GNB5: variants seen among roughly 807,000 people sequenced by gnomAD.
The protein encoded by GNB5 is G protein subunit beta 5.
Under a neutral mutation model 55.3 loss-of-function variants are expected in GNB5, and 37 were observed. That is an observed-to-expected ratio of 0.67 (90% CI 0.51 to 0.88). The LOEUF is 0.88. Ranked by LOEUF, GNB5 falls within the 40% of genes least tolerant of loss-of-function variation. The pLI, the probability that GNB5 is intolerant of heterozygous loss-of-function variation, is 0.00. For missense variants in GNB5, 476 were observed against 515.3 expected (o/e 0.92, Z 0.74); for synonymous variants, 219 against 198.5 (o/e 1.10, Z -0.87).
In GNB5 at chr15:52,126,109, G is replaced by A. The variant is rs917076326; in HGVS notation, c.913-65C>T. On this transcript the variant is annotated intron_variant, in intron 10 of 12. Transcript: ENST00000261837. Reference sequence around the variant, plus strand: ...TCAGTTTGGTGACGTGATGACCACAGAGCTACAGGTAGGTGCTAGTGACTT... The same window carrying A: ...TCAGTTTGGTGACGTGATGACCACAAAGCTACAGGTAGGTGCTAGTGACTT... The A allele has an allele frequency of 2.4e-5, 19 of 776,442 alleles. 1 individual carries two copies. Among genetic ancestry groups the A allele is most frequent in the Non-Finnish European group, 2.5e-5 (11 of 440,712 alleles). The allele number at this position is 776,442 out of a possible 1,614,324, so 48.1% of individuals were successfully genotyped here. A position where few individuals can be genotyped will look rare whatever the true frequency, so the allele number is the denominator to read the frequency against.
At chr15:52,178,409 CCCCTTCT>C (rs1160001675) in intron 3 of GNB5, among the ~76,000 whole-genome samples, 1 of 152,136 alleles carries the variant, frequency 6.6e-6, no homozygotes, top group Non-Finnish European at 1.5e-5. Flanking sequence ...GTCCATATTC[CCCCTTCT>C]TCCTGCCTTG....
chr15:52,161,091 A>G (rs1390625902), intron 3 of GNB5, among the ~76,000 whole-genome samples: 1 of 152,174 alleles, frequency 6.6e-6, no homozygotes, highest in Non-Finnish European at 1.5e-5. Context: ...CAAAGGCTTT[A>G]TCTCCATTTC....
chr15:52,169,644 C>T (rs998117067), intron 3 of GNB5, among the ~76,000 whole-genome samples: 10 of 150,450 alleles, frequency 6.6e-5, no homozygotes, highest in Middle Eastern at 3.5e-3. Flanking sequence ...CAATACCATT[C>T]AGGACATAGT....
At chr15:52,130,596 C>T (rs774540144) in intron 9 of GNB5, among the ~76,000 whole-genome samples, 1 of 152,206 alleles carries the variant, frequency 6.6e-6, no homozygotes. Context: ...TTGGTTACCA[C>T]CATAACATTT....
At position 52,172,609 on chromosome 15, in the gene GNB5, G is replaced by A. The variant is rs116088502; in HGVS notation, c.238+7159C>T. Among the ~76,000 whole-genome samples, 1,518 of 151,898 alleles carry A rather than the reference G, an allele frequency of 1.0e-2. 28 individuals are homozygous for A. Among genetic ancestry groups the A allele is most frequent in the African/African-American group, 0.035 (1,453 of 41,402 alleles). Reference sequence around the variant, plus strand: ...AGCCTGGGCGACATGGAGAAACCTCGTCTCTACAAAAAAATGCAAAAATTA... The same window carrying A: ...AGCCTGGGCGACATGGAGAAACCTCATCTCTACAAAAAAATGCAAAAATTA... On this transcript the variant is annotated intron_variant, in intron 3 of 12. Coordinates refer to ENST00000261837, the MANE Select transcript of GNB5 (RefSeq NM_016194.4).
rs149319825 is a variant in GNB5 at position 52,184,881 on chromosome 15, G to C, written c.-18-187C>G. Among the ~76,000 whole-genome samples the C allele has an allele frequency of 1.1e-4, 16 of 152,332 alleles. No individual in the cohort carries two copies. In the East Asian group the frequency reaches 1.9e-3, roughly 18 times the overall value. On this transcript the variant is annotated intron_variant, in intron 1 of 12. Coordinates refer to ENST00000261837, the MANE Select transcript of GNB5 (RefSeq NM_016194.4). Reference sequence around the variant, plus strand: ...GGTCAATACAACTCATTTAATCAGTGAGAAAGCATCAGACAATAGGTTTTC... The same window carrying C: ...GGTCAATACAACTCATTTAATCAGTCAGAAAGCATCAGACAATAGGTTTTC...
chr15:52,166,920 AATAG>A (rs1253272230), intron 3 of GNB5, among the ~76,000 whole-genome samples: 4 of 152,294 alleles, frequency 2.6e-5, no homozygotes, highest in South Asian at 2.1e-4. Flanking sequence ...AAATTAATAA[AATAG>A]ATAGACCACT....
chr15:52,165,646 T>A (rs747934624), intron 3 of GNB5, among the ~76,000 whole-genome samples: 1 of 151,978 alleles, frequency 6.6e-6, no homozygotes, highest in Non-Finnish European at 1.5e-5. Flanking sequence ...GACAAGCAAA[T>A]GCTGAGGAAA....
At chr15:52,156,657 GGGGCAAAGGTCGCAGT>G (rs1337852722) in intron 3 of GNB5, among the ~76,000 whole-genome samples, 2 of 152,142 alleles carry the variant, frequency 1.3e-5, no homozygotes. Context: ...CTTGAGCCCG[GGGGCAAAGGTCGCAGT>G]GGGCAGAGGT....
chr15:52,141,681 T>C (rs2033858031), intron 6 of GNB5, among the ~76,000 whole-genome samples: 1 of 152,188 alleles, frequency 6.6e-6, no homozygotes, highest in Non-Finnish European at 1.5e-5. Flanking sequence ...TTTTGTCATA[T>C]CTACAGGAGC....
intron 2 of GNB5, 101 bp downstream of exon 2, chr15:52,184,448 AGT>A (rs977677214): frequency 4.1e-6 from 4 of 978,230 alleles, no homozygotes; most frequent in African/African-American, 3.2e-5. Context: ...CATACTGAAA[AGT>A]GTGTGTTATA....
Position 52,126,021 on chromosome 15 carries a change from T to C in GNB5, c.936A>G (p.Ala312=), listed in dbSNP as rs34059787. 7.0e-3 allele frequency: 11,014 copies of C among 1,580,266 alleles called. 694 individuals carry two copies. The African/African-American group carries it at 0.13, about 19-fold the overall frequency. The change falls in exon 11 of 13, where the codon GCA becomes GCG. Residue 312 remains alanine, a synonymous_variant. Transcript: ENST00000261837. ...DATCRLYDLR[A]DREVAIYSKE... Reference sequence around the variant, plus strand: ...TGGAATAGATGGCAACCTCCCTATCTGCCCGCAGGTCATAGAGGCGACACT... The same window carrying C: ...TGGAATAGATGGCAACCTCCCTATCCGCCCGCAGGTCATAGAGGCGACACT...
chr15:52,166,314 C>T (rs940057277), intron 3 of GNB5, among the ~76,000 whole-genome samples: 1 of 152,166 alleles, frequency 6.6e-6, no homozygotes. Flanking sequence ...ATATTCAGAA[C>T]CTGAACTCAG....
intron 1 of GNB5, among the ~76,000 whole-genome samples, chr15:52,190,641 G>A (rs568784023): frequency 6.6e-6 from 1 of 152,208 alleles, no homozygotes; most frequent in African/African-American, 2.4e-5. Flanking sequence ...GCCTTTCTCT[G>A]CTAGTGGGAG....
rs767829959 is a variant in GNB5 at position 52,149,918 on chromosome 15, T to C, written c.383A>G (p.Lys128Arg). Residue 128 changes from lysine (K) to arginine (R), a missense_variant, in exon 5 of 13, where the codon AAG becomes AGG. By Grantham distance (26) the Lys-to-Arg change is conservative. Transcript: ENST00000261837. ...RRIVSSSQDGKVIVWDSFTTN... is the reference protein window; with the variant it reads ...RRIVSSSQDGRVIVWDSFTTN... The stretch of plus-strand genomic sequence containing the variant: ...GGTGAAGGAATCCCACACGATCACC[T>C]TCCCATCCTGGAGGGAGAAGAGCAA... The C allele has an allele frequency of 1.9e-6, 3 of 1,611,256 alleles. No individual in the cohort carries two copies. Among genetic ancestry groups the C allele is most frequent in the East Asian group, 4.5e-5 (2 of 44,874 alleles).
intron 3 of GNB5, among the ~76,000 whole-genome samples, chr15:52,175,788 C>T (rs933802560): frequency 6.6e-6 from 1 of 151,456 alleles, no homozygotes; most frequent in African/African-American, 2.4e-5. Context: ...CAGTGGGTCA[C>T]ACCTGTAATC....
At chr15:52,151,874 G>C (rs563928095) in intron 4 of GNB5, among the ~76,000 whole-genome samples, 1 of 152,038 alleles carries the variant, frequency 6.6e-6, no homozygotes, top group Non-Finnish European at 1.5e-5. Flanking sequence ...CAGAGGCTGA[G>C]GCAGGAGGAT....
intron 6 of GNB5, among the ~76,000 whole-genome samples, chr15:52,142,694 C>A (rs764983472): frequency 6.6e-6 from 1 of 152,120 alleles, no homozygotes; most frequent in Non-Finnish European, 1.5e-5. Flanking sequence ...CCCTAAGGTG[C>A]CCTGCTTTCT....
At chr15:52,177,181 C>T (rs979444249) in intron 3 of GNB5, among the ~76,000 whole-genome samples, 1 of 151,784 alleles carries the variant, frequency 6.6e-6, no homozygotes, top group Non-Finnish European at 1.5e-5. Context: ...ATTACAGGCA[C>T]CTGCCACCAT....
Sources: allele counts gnomAD v4.1 joint callset (sites outside exome capture counted in the v4.1 genomes callset), GRCh38; gene constraint gnomAD v4.1.1; transcripts MANE v1.5; gene names NCBI Gene and HGNC (gene_info 2026-07-23, HGNC 2026-07-21).